CA9: variants seen among roughly 807,000 people sequenced by gnomAD.
CA9 encodes the protein carbonic anhydrase 9.
Under a neutral mutation model 51.8 loss-of-function variants are expected in CA9, and 43 were observed. The ratio of observed to expected loss-of-function variants is 0.83; its 90% CI spans 0.65 to 1.07. The LOEUF is 1.07. Among genes scored for constraint, CA9 ranks in the 50% least tolerant of loss-of-function variants. The probability of loss-of-function intolerance (pLI) is 0.00; values close to 1 mark genes in which losing one functional copy is unlikely to be tolerated. For synonymous variants in CA9, 253 were observed against 244.2 expected (o/e 1.04, Z -0.34); for missense variants, 574 against 581.4 (o/e 0.99, Z 0.13).
Position 35,676,057 on chromosome 9 carries a change from T to A in CA9, c.605-7T>A, listed in dbSNP as rs534187424. ...CGGGGCCGGCTCACTTGCCTCTCCC[T>A]ACGCAGTGCAACTGACCCTGCCTCC... is the stretch of plus-strand genomic sequence containing the variant. On this transcript the variant is annotated splice_region_variant and splice_polypyrimidine_tract_variant and intron_variant, in intron 3 of 10. Coordinates refer to ENST00000378357, the MANE Select transcript of CA9 (RefSeq NM_001216.3). 1.2e-6 allele frequency: 2 copies of A among 1,612,770 alleles called. No homozygotes were observed. The highest frequency in any genetic ancestry group is 2.7e-5 in the African/African-American group (2 of 74,978).
chr9:35,679,969 TGGACAGCAGTCCTCG>T lies in CA9; in HGVS notation c.1184_1198del (p.Asp395_Arg399del). 1 of 1,614,140 alleles carries T rather than the reference TGGACAGCAGTCCTCG, an allele frequency of 6.2e-7. No homozygotes were observed. Among genetic ancestry groups the T allele is most frequent in the Non-Finnish European group, 8.5e-7 (1 of 1,180,024 alleles). On this transcript the variant is annotated inframe_deletion, in exon 8 of 11. Coordinates refer to ENST00000378357, the MANE Select transcript of CA9 (RefSeq NM_001216.3). The stretch of plus-strand genomic sequence containing the variant: ...ATTGAGGCCTCCTTCCCTGCTGGAG[TGGACAGCAGTCCTCG>T]GGCTGCTGAGCCAGGTACAGCTTTG...
chr9:35,679,808 C>G, intron 7 of CA9, 46 bp from the exon 8 acceptor site: 1 of 1,531,402 alleles, frequency 6.5e-7, no homozygotes, highest in Non-Finnish European at 8.8e-7. Flanking sequence ...ACCCTTGTTT[C>G]CTGTCATGCC....
Position 35,674,436 on chromosome 9 carries a change from C to G in CA9, c.403+74C>G, listed in dbSNP as rs895424346. 7.7e-6 allele frequency: 11 copies of G among 1,430,312 alleles called. No homozygotes were observed. The Admixed American group carries it at 1.7e-4, about 22-fold the overall frequency. 88.6% of individuals were successfully genotyped at this position (1,430,312 alleles called of 1,614,324 possible). ...CCCCTCCCATACCCCAGCCTAGGCT[C>G]TGTTCACTCAGGGAAGGAGGGGAGA... is the stretch of plus-strand genomic sequence containing the variant. On this transcript the variant is annotated intron_variant, in intron 1 of 10. Coordinates refer to ENST00000378357, the MANE Select transcript of CA9 (RefSeq NM_001216.3).
intron 5 of CA9, among the ~76,000 whole-genome samples, 153 bp downstream of exon 5, chr9:35,676,542 T>C (rs1019239141): frequency 6.6e-6 from 1 of 152,166 alleles, no homozygotes; most frequent in Non-Finnish European, 1.5e-5. Context: ...TAACACCCAC[T>C]GTGAACCAGG....
intron 6 of CA9, among the ~76,000 whole-genome samples, chr9:35,678,695 C>CTT (rs746454806): frequency 6.2e-4 from 81 of 129,890 alleles, no homozygotes; most frequent in African/African-American, 1.1e-3. Context: ...TTTTTCTTTT[C>CTT]TTTTCTTTTT....
chr9:35,679,742 G>A (rs1824495035), intron 7 of CA9, 112 bp from the exon 8 acceptor site: 1 of 971,514 alleles, frequency 1.0e-6, no homozygotes, highest in Non-Finnish European at 1.5e-6. Context: ...GGCTGGATGG[G>A]GAATACAGGA....
Position 35,675,947 on chromosome 9 carries a change from C to G in CA9, c.604+16C>G. ...GGCCACAGTGGTGAGGGGGTCTCCC[C>G]GCCGAGACTTGGGGATGGGGCGGGG... On this transcript the variant is annotated intron_variant, in intron 3 of 10. Transcript: ENST00000378357. 1 of 1,599,668 alleles carries G rather than the reference C, an allele frequency of 6.3e-7. No homozygotes were observed. Among genetic ancestry groups the G allele is most frequent in the Non-Finnish European group, 8.5e-7 (1 of 1,172,434 alleles).
intron 6 of CA9, 152 bp downstream of exon 6, chr9:35,678,008 C>A: frequency 1.5e-6 from 1 of 686,700 alleles, no homozygotes; most frequent in Non-Finnish European, 2.6e-6. Context: ...AACCATGAAG[C>A]TGACAGACAC....
At chr9:35,680,863 A>G in intron 10 of CA9, 29 bp downstream of exon 10, 1 of 1,612,944 alleles carries the variant, frequency 6.2e-7, no homozygotes, top group Non-Finnish European at 8.5e-7. Context: ...CTTCAGGCAC[A>G]AGCTTCCCCC....
intron 6 of CA9, among the ~76,000 whole-genome samples, chr9:35,678,095 C>G (rs1354029082): frequency 1.3e-5 from 2 of 151,916 alleles, no homozygotes; most frequent in East Asian, 3.9e-4. Context: ...GCCTGTAATC[C>G]CAGCACTTTG....
chr9:35,674,593 T>C, intron 1 of CA9: 2 of 470,242 alleles, frequency 4.3e-6, no homozygotes, highest in Non-Finnish European at 3.7e-6. Flanking sequence ...CTGGATGAGA[T>C]GGGAGAGAAG....
chr9:35,676,060 G>A lies in CA9; in HGVS notation c.605-4G>A, dbSNP rs1824414421. 1.2e-6 allele frequency: 2 copies of A among 1,612,820 alleles called. No homozygotes were observed. The highest frequency in any genetic ancestry group is 1.3e-5 in the African/African-American group (1 of 74,886). ...GGCCGGCTCACTTGCCTCTCCCTAC[G>A]CAGTGCAACTGACCCTGCCTCCTGG... On this transcript the variant is annotated splice_region_variant and splice_polypyrimidine_tract_variant and intron_variant, in intron 3 of 10. Coordinates refer to ENST00000378357, the MANE Select transcript of CA9 (RefSeq NM_001216.3).
Position 35,681,129 on chromosome 9 carries a change from A to G in CA9, c.*104A>G. 4.6e-6 allele frequency: 3 copies of G among 652,830 alleles called. No individual in the cohort carries two copies. The highest frequency in any genetic ancestry group is 7.3e-6 in the Non-Finnish European group (3 of 412,668). The allele number at this position is 652,830 out of a possible 1,614,324, so 40.4% of individuals were successfully genotyped here. ...ATGCCACTTCCTTTTAACTGCCAAGAAATTTTTTAAAATAAATATTTATAA... is the reference window on the plus strand; with the variant it reads ...ATGCCACTTCCTTTTAACTGCCAAGGAATTTTTTAAAATAAATATTTATAA... On this transcript the variant is annotated 3_prime_UTR_variant, in exon 11 of 11. Transcript: ENST00000378357.
intron 9 of CA9, 92 bp from the exon 10 acceptor site, chr9:35,680,661 G>A: frequency 2.0e-6 from 2 of 1,016,648 alleles, no homozygotes; most frequent in East Asian, 2.4e-5. Flanking sequence ...AGAACTCGGG[G>A]CAGGGGTGGT....
chr9:35,675,655 G>GCGTCCCACCCGCCGCCCAC, intron 2 of CA9, 88 bp downstream of exon 2: 2 of 1,540,620 alleles, frequency 1.3e-6, no homozygotes. Context: ...CTGGTCCCGG[G>GCGTCCCACCCGCCGCCCAC]CGTCCCACCC....
chr9:35,673,974 C>T lies in CA9; in HGVS notation c.15C>T (p.Cys5=). 1 of 1,604,206 alleles carries T rather than the reference C, an allele frequency of 6.2e-7. No individual in the cohort carries two copies. Among genetic ancestry groups the T allele is most frequent in the Non-Finnish European group, 8.5e-7 (1 of 1,174,704 alleles). The change falls in exon 1 of 11, where the codon TGC becomes TGT. Residue 5 remains cysteine, a synonymous_variant. Transcript: ENST00000378357. The part of the protein sequence containing the change: MAPL[C]PSPWLPLLIP... ...CAGTCAGCCGCATGGCTCCCCTGTG[C>T]CCCAGCCCCTGGCTCCCTCTGTTGA...
At chr9:35,680,048 T>C (rs992130160) in intron 8 of CA9, 50 bp downstream of exon 8, 1 of 1,614,182 alleles carries the variant, frequency 6.2e-7, no homozygotes. Flanking sequence ...TATCCTCCCA[T>C]GTGTGTGCCA....
At chr9:35,680,313 T>A (rs781313469) in intron 9 of CA9, among the ~76,000 whole-genome samples, 174 bp downstream of exon 9, 1 of 152,242 alleles carries the variant, frequency 6.6e-6, no homozygotes, top group South Asian at 2.1e-4. Context: ...CAGAGGCTAA[T>A]TGATTAGAAT....
chr9:35,674,016 A>G lies in CA9; in HGVS notation c.57A>G (p.Pro19=), dbSNP rs1197558912. ...CTCTGTTGATCCCGGCCCCTGCTCC[A>G]GGCCTCACTGTGCAACTGCTGCTGT... is the stretch of plus-strand genomic sequence containing the variant. The part of the protein sequence containing the change: ...WLPLLIPAPA[P]GLTVQLLLSL... Residue 19 remains proline, a synonymous_variant, in exon 1 of 11, where the codon CCA becomes CCG. Transcript: ENST00000378357. 1 of 1,613,870 alleles carries G rather than the reference A, an allele frequency of 6.2e-7. No homozygotes were observed. Among genetic ancestry groups the G allele is most frequent in the Non-Finnish European group, 8.5e-7 (1 of 1,179,880 alleles).
Sources: gnomAD v4.1 joint callset for allele counts (sites outside exome capture counted in the v4.1 genomes callset) on GRCh38, gnomAD v4.1.1 for gene constraint, MANE v1.5 for transcripts, NCBI Gene and HGNC (gene_info 2026-07-23, HGNC 2026-07-21) for gene names.